The following TYW1B variants were observed in gnomAD, a reference collection of about 807,000 sequenced individuals.
TYW1B encodes the protein tRNA-yW synthesizing protein 1 homolog B.
In TYW1B, 73 loss-of-function variants were observed where a neutral mutation model predicts 86.9. The ratio of observed to expected loss-of-function variants is 0.84; its 90% CI spans 0.70 to 1.02. The LOEUF is 1.02. Ranked by LOEUF, TYW1B falls within the 50% of genes least tolerant of loss-of-function variation. TYW1B has a pLI of 0.00. For synonymous variants in TYW1B, 248 were observed against 292.8 expected (o/e 0.85, Z 1.56); for missense variants, 637 against 827.4 (o/e 0.77, Z 2.82).
intron 6 of TYW1B, among the ~76,000 whole-genome samples, chr7:72,785,933 C>T (rs1383656700): frequency 2.0e-5 from 3 of 151,948 alleles, no homozygotes; most frequent in South Asian, 2.1e-4. Context: ...GCCAACATGG[C>T]GAGGCGCTGT....
intron 11 of TYW1B, among the ~76,000 whole-genome samples, chr7:72,632,546 G>A (rs1812562339): frequency 7.3e-6 from 1 of 137,436 alleles, no homozygotes; most frequent in Non-Finnish European, 1.5e-5. Flanking sequence ...ATAGCATGCA[G>A]GACAGTGAGT....
At chr7:72,582,204 G>A (rs1365585473) in intron 13 of TYW1B, among the ~76,000 whole-genome samples, 1 of 151,834 alleles carries the variant, frequency 6.6e-6, no homozygotes, top group Admixed American at 6.6e-5. Context: ...AAATAATTCT[G>A]GAAATGTTAA....
intron 8 of TYW1B, among the ~76,000 whole-genome samples, chr7:72,743,571 C>T (rs1554462858): frequency 6.6e-6 from 1 of 151,968 alleles, no homozygotes; most frequent in Non-Finnish European, 1.5e-5. Flanking sequence ...AGGCTGGGTG[C>T]AGTGGCTCAC....
intron 11 of TYW1B, among the ~76,000 whole-genome samples, chr7:72,661,337 C>T (rs1554444430): frequency 6.6e-6 from 1 of 150,834 alleles, no homozygotes; most frequent in Non-Finnish European, 1.5e-5. Flanking sequence ...TAATTTCAAG[C>T]ACGAAATTCT....
intron 8 of TYW1B, 49 bp from the exon 9 acceptor site, chr7:72,728,980 G>C: frequency 6.5e-7 from 1 of 1,538,330 alleles, no homozygotes; most frequent in Non-Finnish European, 8.9e-7. Flanking sequence ...AATAAGATCT[G>C]GGCTAGTCAT....
intron 10 of TYW1B, among the ~76,000 whole-genome samples, chr7:72,708,405 G>A (rs1376039851): frequency 6.6e-6 from 1 of 152,122 alleles, no homozygotes; most frequent in African/African-American, 2.4e-5. Flanking sequence ...CCCCTCCCAG[G>A]TTTAAAATAA....
At chr7:72,707,237 T>C (rs1179115895) in intron 10 of TYW1B, among the ~76,000 whole-genome samples, 1 of 152,264 alleles carries the variant, frequency 6.6e-6, no homozygotes, top group Non-Finnish European at 1.5e-5. Context: ...GCTCGCGCAT[T>C]GGGGCTTGCC....
intron 7 of TYW1B, among the ~76,000 whole-genome samples, chr7:72,746,205 C>A (rs1734970561): frequency 6.6e-6 from 1 of 151,844 alleles, no homozygotes; most frequent in African/African-American, 2.4e-5. Flanking sequence ...TGTCAGTTGA[C>A]CATGATGCCT....
chr7:72,744,956 C>A (rs1554463410), intron 7 of TYW1B, among the ~76,000 whole-genome samples: 3 of 152,194 alleles, frequency 2.0e-5, no homozygotes, highest in African/African-American at 7.2e-5. Context: ...GGGCTGTCTG[C>A]CTATGCAAGC....
At chr7:72,591,140 C>T (rs1468364428) in intron 13 of TYW1B, among the ~76,000 whole-genome samples, 1 of 149,610 alleles carries the variant, frequency 6.7e-6, no homozygotes. Flanking sequence ...TGATCACATC[C>T]GAATAGCAAA....
intron 7 of TYW1B, among the ~76,000 whole-genome samples, chr7:72,771,958 T>C (rs1554469716): frequency 6.6e-6 from 1 of 151,858 alleles, no homozygotes; most frequent in Non-Finnish European, 1.5e-5. Flanking sequence ...ACGATTCTCA[T>C]GCCTCAGACT....
At chr7:72,789,437 G>A (rs1168124710) in intron 6 of TYW1B, among the ~76,000 whole-genome samples, 6 of 152,126 alleles carry the variant, frequency 3.9e-5, no homozygotes, top group South Asian at 2.1e-4. Context: ...AGCCCGGCCC[G>A]AGTATTTCCT....
intron 13 of TYW1B, among the ~76,000 whole-genome samples, chr7:72,596,852 A>G (rs1249079592): frequency 2.0e-5 from 3 of 151,958 alleles, no homozygotes; most frequent in East Asian, 3.8e-4. Context: ...GAAAATGGGG[A>G]AAAAAATTGC....
intron 13 of TYW1B, among the ~76,000 whole-genome samples, chr7:72,594,386 C>T (rs1811477861): frequency 6.7e-6 from 1 of 149,782 alleles, no homozygotes; most frequent in Non-Finnish European, 1.5e-5. Flanking sequence ...CAATGGTACG[C>T]CAACAAATGG....
intron 13 of TYW1B, among the ~76,000 whole-genome samples, chr7:72,588,966 C>T (rs1554430956): frequency 6.6e-6 from 1 of 152,100 alleles, no homozygotes; most frequent in East Asian, 1.9e-4. Context: ...GCAAGTGCCA[C>T]CATGCCCACC....
At chr7:72,740,397 C>T (rs1489524474) in intron 8 of TYW1B, among the ~76,000 whole-genome samples, 3 of 86,812 alleles carry the variant, frequency 3.5e-5, no homozygotes, top group South Asian at 3.8e-4. Flanking sequence ...AAGACCCTGT[C>T]TCAAAAGGAA....
intron 11 of TYW1B, among the ~76,000 whole-genome samples, chr7:72,639,461 C>G (rs151257602): frequency 1.8e-4 from 27 of 150,684 alleles, no homozygotes; most frequent in African/African-American, 6.5e-4. Context: ...GCCACCACAT[C>G]CAGCTTGTTT....
rs537327533 is a variant in TYW1B, at chr7:72,802,491, T to C, written c.755A>G (p.Glu252Gly). 2.5e-5 allele frequency: 40 copies of C among 1,613,880 alleles called. No individual in the cohort carries two copies. In the South Asian group the frequency reaches 4.1e-4, roughly 16 times the overall value. The change falls in exon 6 of 14, where the codon GAA (glutamate) becomes GGA (glycine). Residue 252 changes from glutamate to glycine, a missense_variant. Transcript: ENST00000620995. Reference sequence around the variant, plus strand: ...CTGATGGTCCTCACCACCAAACTCTTCTTCACTGGAGCTCTCGAAGGGTTC... The same window carrying C: ...CTGATGGTCCTCACCACCAAACTCTCCTTCACTGGAGCTCTCGAAGGGTTC... ...EEEPFESSSE[E>G]EFGGEDHQSL...
intron 2 of TYW1B, among the ~76,000 whole-genome samples, chr7:72,818,749 G>A (rs1385568962): frequency 1.3e-5 from 2 of 152,010 alleles, no homozygotes; most frequent in Admixed American, 6.6e-5. Context: ...AGGCAAAGGA[G>A]GAGCAGGCAC....
Sources: allele counts gnomAD v4.1 joint callset (sites outside exome capture counted in the v4.1 genomes callset), GRCh38; gene constraint gnomAD v4.1.1; transcripts MANE v1.5; gene names NCBI Gene and HGNC (gene_info 2026-07-23, HGNC 2026-07-21).